Variants in CLDN16 observed in about 807,000 individuals in gnomAD.
CLDN16 encodes the protein claudin-16.
Under a neutral mutation model 24.6 loss-of-function variants are expected in CLDN16, and 13 were observed. The observed-to-expected ratio is 0.53, with a 90% CI of 0.34 to 0.84. The LOEUF (loss-of-function observed/expected upper bound fraction) is 0.84, where lower values mean the gene tolerates loss of function less well. Ranked by LOEUF, CLDN16 falls within the 40% of genes least tolerant of loss-of-function variation. The probability of loss-of-function intolerance (pLI) is 0.01; values close to 1 mark genes in which losing one functional copy is unlikely to be tolerated. For missense variants in CLDN16, 298 were observed against 292.7 expected, an observed-to-expected ratio of 1.02 and a Z score of -0.13; for synonymous variants, 116 against 106.7, an observed-to-expected ratio of 1.09 and a Z score of -0.54.
chr3:190,363,541 CGTGT>C (rs202074908), intron 1 of CLDN16, among the ~76,000 whole-genome samples: 1 of 16,960 alleles, frequency 5.9e-5, no homozygotes, highest in African/African-American at 1.8e-4. Flanking sequence ...AGTTGCTGTG[CGTGT>C]GTGTGTGTGT....
the CLDN16 span, among the ~76,000 whole-genome samples, chr3:190,303,854 G>A: frequency 3.3e-5 from 5 of 151,568 alleles, no homozygotes; most frequent in African/African-American, 1.2e-4. Context: ...AGCATCTGAA[G>A]GACCACCTGC....
At chr3:190,346,322 G>A (rs1250108818) in intron 1 of CLDN16, among the ~76,000 whole-genome samples, 1 of 152,166 alleles carries the variant, frequency 6.6e-6, no homozygotes, top group African/African-American at 2.4e-5. Context: ...TGTGTGACCA[G>A]ATTTTGCTAC....
chr3:190,402,433 CA>C lies in CLDN16; in HGVS notation c.212del (p.His71LeufsTer3). On this transcript the variant is annotated frameshift_variant, in exon 2 of 5. Transcript: ENST00000264734. LOFTEE classifies it high-confidence loss of function. ...TGAGTACGATTCCATACTTGCGGAG[CA>C]TCCCTGTACGTATGCCTTAGAGCTC... The part of the protein sequence containing the change: ...CDEYDSILAE[H>X]PLKLVVTRAL... 1 of 1,611,572 alleles carries C rather than the reference CA, an allele frequency of 6.2e-7. No individual in the cohort carries two copies. The highest frequency in any genetic ancestry group is 8.5e-7 in the Non-Finnish European group (1 of 1,177,848).
upstream of CLDN16, among the ~76,000 whole-genome samples, chr3:190,321,063 A>G (rs1216989411): frequency 6.6e-6 from 1 of 152,310 alleles, no homozygotes; most frequent in Non-Finnish European, 1.5e-5. Context: ...GGGTCACTGA[A>G]CATCCATTAC....
chr3:190,378,849 G>T (rs1484667713), intron 3 of CLDN16, among the ~76,000 whole-genome samples: 6 of 152,028 alleles, frequency 3.9e-5, no homozygotes, highest in Admixed American at 1.3e-4. Context: ...AGCTGTGTCA[G>T]GTTGAATAAG....
At chr3:190,363,554 G>GTATATA (rs1553805321) in intron 1 of CLDN16, among the ~76,000 whole-genome samples, 120 of 81,270 alleles carry the variant, frequency 1.5e-3, no homozygotes, top group Non-Finnish European at 1.9e-3. Context: ...GTGTGTGTGT[G>GTATATA]TGTATATATA....
chr3:190,314,665 A>C, the CLDN16 span, among the ~76,000 whole-genome samples: 1 of 152,094 alleles, frequency 6.6e-6, no homozygotes, highest in Non-Finnish European at 1.5e-5. Flanking sequence ...CGGCCTCCCA[A>C]AGTTCTGGGA....
chr3:190,335,023 C>CTTTTTTTTTTTTTTTTTTTTTTTT (rs57744577), intron 1 of CLDN16, among the ~76,000 whole-genome samples: 4 of 134,346 alleles, frequency 3.0e-5, no homozygotes, highest in Non-Finnish European at 4.9e-5. Flanking sequence ...TTTCTTTTTT[C>CTTTTTTTTTTTTTTTTTTTTTTTT]TTTTTTTTTT....
At chr3:190,304,291 T>C in the CLDN16 span, among the ~76,000 whole-genome samples, 6 of 152,152 alleles carry the variant, frequency 3.9e-5, no homozygotes, top group African/African-American at 4.8e-5. Context: ...GAACGAGTGC[T>C]ATGTTTCAAG....
intron 1 of CLDN16, among the ~76,000 whole-genome samples, chr3:190,344,365 A>G (rs993836099): frequency 1.3e-5 from 2 of 151,998 alleles, no homozygotes; most frequent in African/African-American, 4.8e-5. Flanking sequence ...TATTAAAAGT[A>G]CTACAGATAA....
intron 1 of CLDN16, among the ~76,000 whole-genome samples, chr3:190,353,479 T>C (rs1054713665): frequency 2.6e-5 from 4 of 152,060 alleles, no homozygotes; most frequent in Non-Finnish European, 5.9e-5. Flanking sequence ...CAGGAATATG[T>C]ATATTTAATT....
chr3:190,294,089 C>G, the CLDN16 span, among the ~76,000 whole-genome samples: 830 of 152,232 alleles, frequency 5.5e-3, 9 homozygotes, highest in African/African-American at 0.018. Flanking sequence ...TGTCTATTGT[C>G]CTGAGAATTG....
chr3:190,344,279 C>T (rs1381583366), intron 1 of CLDN16, among the ~76,000 whole-genome samples: 1 of 151,728 alleles, frequency 6.6e-6, no homozygotes, highest in Non-Finnish European at 1.5e-5. Flanking sequence ...CTTAAAATTC[C>T]CAGAAAAGCC....
intron 3 of CLDN16, among the ~76,000 whole-genome samples, chr3:190,382,772 T>C (rs557560233): frequency 6.6e-6 from 1 of 152,260 alleles, no homozygotes; most frequent in Admixed American, 6.5e-5. Context: ...TGTTCCCTTT[T>C]TGAAAACAAT....
intron 1 of CLDN16, among the ~76,000 whole-genome samples, chr3:190,365,598 A>G (rs1560088545): frequency 6.7e-6 from 1 of 150,036 alleles, no homozygotes; most frequent in Non-Finnish European, 1.5e-5. Context: ...ACTATTTTCC[A>G]GGATCCTTGA....
intron 1 of CLDN16, among the ~76,000 whole-genome samples, chr3:190,363,542 G>A (rs1217562322): frequency 4.3e-4 from 6 of 13,896 alleles, no homozygotes; most frequent in East Asian, 2.6e-3. Context: ...GTTGCTGTGC[G>A]TGTGTGTGTG....
At chr3:190,312,956 T>G in the CLDN16 span, 5 of 1,614,216 alleles carry the variant, frequency 3.1e-6, no homozygotes, top group Non-Finnish European at 2.5e-6. Flanking sequence ...ATACACTTCA[T>G]GCCAACGGTG....
intron 1 of CLDN16, among the ~76,000 whole-genome samples, chr3:190,397,735 A>G (rs1475140748): frequency 2.0e-5 from 3 of 152,218 alleles, no homozygotes; most frequent in African/African-American, 7.2e-5. Flanking sequence ...GTGAATACCA[A>G]GCCATCTAAT....
intron 1 of CLDN16, among the ~76,000 whole-genome samples, chr3:190,363,830 G>A (rs1717960644): frequency 6.6e-6 from 1 of 151,484 alleles, no homozygotes; most frequent in Non-Finnish European, 1.5e-5. Flanking sequence ...TCATCCTCAT[G>A]TCTCTTTCCT....
Sources: gnomAD v4.1 joint callset for allele counts (sites outside exome capture counted in the v4.1 genomes callset) on GRCh38, gnomAD v4.1.1 for gene constraint, MANE v1.5 for transcripts, NCBI Gene and HGNC (gene_info 2026-07-23, HGNC 2026-07-21) for gene names.